HMGCL: variants seen among roughly 807,000 people sequenced by gnomAD.
HMGCL encodes the protein hydroxymethylglutaryl-CoA lyase, mitochondrial.
HMGCL carries 26 observed loss-of-function variants against 37.3 expected under a neutral mutation model. The ratio of observed to expected loss-of-function variants is 0.70; its 90% CI spans 0.51 to 0.97. The LOEUF is 0.97. Among genes scored for constraint, HMGCL ranks in the 50% least tolerant of loss-of-function variants. HMGCL has a pLI of 0.00. For missense variants in HMGCL, 379 were observed against 398.1 expected (o/e 0.95, Z 0.41); for synonymous variants, 151 against 148.0 (o/e 1.02, Z -0.15).
At chr1:23,817,450 G>A (rs1470161469) in intron 3 of HMGCL, 26 bp downstream of exon 3, 1 of 1,292,180 alleles carries the variant, frequency 7.7e-7, no homozygotes, top group Non-Finnish European at 1.1e-6. Context: ...CTAGAGAAAG[G>A]CCTTTCATTG....
intron 1 of HMGCL, among the ~76,000 whole-genome samples, chr1:23,821,575 C>T (rs1363871862): frequency 2.6e-5 from 4 of 152,138 alleles, no homozygotes; most frequent in Admixed American, 2.6e-4. Flanking sequence ...GGGAGAATCG[C>T]TTGAGCCCAG....
At chr1:23,807,157 A>C (rs1477232267) in intron 7 of HMGCL, 1 of 519,052 alleles carries the variant, frequency 1.9e-6, no homozygotes, top group Admixed American at 1.9e-5. Context: ...GACTCACCTC[A>C]GCTGTGCAGA....
Position 23,802,485 on chromosome 1 carries a change from G to A in HMGCL, c.956C>T (p.Ala319Val). 1 of 1,613,352 alleles carries A rather than the reference G, an allele frequency of 6.2e-7. No individual in the cohort carries two copies. Among genetic ancestry groups the A allele is most frequent in the Non-Finnish European group, 8.5e-7 (1 of 1,179,240 alleles). The change falls in exon 9 of 9, where the codon GCT (alanine) becomes GTT (valine). Residue 319 changes from alanine (A) to valine (V), a missense_variant. Ala to Val is a moderately conservative substitution (Grantham distance 64, BLOSUM62 0). Coordinates refer to ENST00000374490, the MANE Select transcript of HMGCL (RefSeq NM_000191.3). The part of the protein sequence containing the change: ...ALNRKTSSKV[A>V]QATCKL ...GGCTCAGAGTTTACAGGTAGCCTGA[G>A]CCACTTTGGAGCTAGTTTTTCTGTT...
At chr1:23,823,330 T>C (rs1638755875) in intron 1 of HMGCL, among the ~76,000 whole-genome samples, 3 of 149,468 alleles carry the variant, frequency 2.0e-5, no homozygotes, top group Non-Finnish European at 3.0e-5. Flanking sequence ...GCCAGGCACA[T>C]ACAAGAGCCA....
chr1:23,825,103 A>T (rs1638791963), intron 1 of HMGCL, among the ~76,000 whole-genome samples: 1 of 152,228 alleles, frequency 6.6e-6, no homozygotes, highest in Non-Finnish European at 1.5e-5. Flanking sequence ...GCGGGGAATC[A>T]GGGCACCTAG....
chr1:23,816,752 C>T lies in HMGCL; in HGVS notation c.271G>A (p.Val91Ile), dbSNP rs756555541. 2.5e-6 allele frequency: 4 copies of T among 1,612,014 alleles called. No individual in the cohort carries two copies. In the African/African-American group the frequency reaches 4.0e-5, roughly 16 times the overall value. Residue 91 changes from valine to isoleucine, a missense_variant, in exon 4 of 9, where the codon GTC becomes ATC. Transcript: ENST00000374490. Reference protein sequence around the residue: ...WVPQMGDHTEVLKGIQKFPGI... With the variant: ...WVPQMGDHTEILKGIQKFPGI... ...GGAAACTTCTGAATGCCCTTCAAGACTTCAGTGTGGTCACCCATCTAGGAA... is the reference window on the plus strand; with the variant it reads ...GGAAACTTCTGAATGCCCTTCAAGATTTCAGTGTGGTCACCCATCTAGGAA...
Position 23,806,892 on chromosome 1 carries a change from T to G in HMGCL, c.750+1243A>C, listed in dbSNP as rs1638419933. ...TCTGTCTTCCCCACCCACCATAACA[T>G]GAGCTCCCAGAGGGCAGGGATTGGG... On this transcript the variant is annotated intron_variant, in intron 7 of 8. Transcript: ENST00000374490. The surrounding 1 kb of genome is among the most constrained non-coding windows in gnomAD (Gnocchi z 4.0). The G allele has an allele frequency of 4.0e-6, 2 of 499,248 alleles. No individual in the cohort carries two copies. The highest frequency in any genetic ancestry group is 3.8e-4 in the Middle Eastern group (1 of 2,602). The allele number at this position is 499,248 out of a possible 1,614,324, so 30.9% of individuals were successfully genotyped here.
At position 23,808,263 on chromosome 1, in the gene HMGCL, C is replaced by T. The variant is rs769406434; in HGVS notation, c.622G>A (p.Val208Met). The change falls in exon 7 of 9, where the codon GTG becomes ATG. Residue 208 changes from valine to methionine, a missense_variant. Physicochemically the swap from Val to Met is conservative, Grantham distance 21. Coordinates refer to ENST00000374490, the MANE Select transcript of HMGCL (RefSeq NM_000191.3). Reference protein sequence around the residue: ...YEISLGDTIGVGTPGIMKDML... With the variant: ...YEISLGDTIGMGTPGIMKDML... ...TCTTTCATGATCCCTGGGGTGCCCA[C>T]ACCAATGGTGTCCCCCAGGGAGATC... 10 of 1,613,926 alleles carry T rather than the reference C, an allele frequency of 6.2e-6. No individual in the cohort carries two copies. The highest frequency in any genetic ancestry group is 2.2e-5 in the East Asian group (1 of 44,896).
chr1:23,804,268 G>C, intron 8 of HMGCL, 132 bp downstream of exon 8: 3 of 1,083,512 alleles, frequency 2.8e-6, no homozygotes, highest in South Asian at 2.8e-5. Context: ...GAGCCACTGC[G>C]CCTGGCTAAC....
chr1:23,816,306 C>A, intron 4 of HMGCL: 1 of 312,278 alleles, frequency 3.2e-6, no homozygotes, highest in Non-Finnish European at 6.2e-6. Flanking sequence ...TGGCAGATGC[C>A]AGCAACTACT....
intron 3 of HMGCL, 127 bp downstream of exon 3, chr1:23,817,349 G>A: frequency 4.5e-6 from 3 of 665,540 alleles, no homozygotes; most frequent in Non-Finnish European, 8.2e-6. Flanking sequence ...ACAGTGCTAT[G>A]AATCACCTGA....
chr1:23,825,081 A>G (rs1638791742), intron 1 of HMGCL, among the ~76,000 whole-genome samples: 1 of 152,226 alleles, frequency 6.6e-6, no homozygotes, highest in Non-Finnish European at 1.5e-5. Flanking sequence ...GGGTCATCGG[A>G]AAGGGCCCTG....
At chr1:23,802,850 C>T (rs1260932885) in intron 8 of HMGCL, among the ~76,000 whole-genome samples, 1 of 152,194 alleles carries the variant, frequency 6.6e-6, no homozygotes, top group Non-Finnish European at 1.5e-5. Context: ...CTCTTCAGGG[C>T]CCAGCACAGG....
rs372648949 is a variant in HMGCL at position 23,810,728 on chromosome 1, G to C, written c.561+8C>G. Reference sequence around the variant, plus strand: ...CACCAAACCCCCCGCCCTGACACATGCACACACCTCAGCTACTTTAGCTGG... The same window carrying C: ...CACCAAACCCCCCGCCCTGACACATCCACACACCTCAGCTACTTTAGCTGG... On this transcript the variant is annotated splice_region_variant and intron_variant, in intron 6 of 8. Coordinates refer to ENST00000374490, the MANE Select transcript of HMGCL (RefSeq NM_000191.3). 7.4e-6 allele frequency: 12 copies of C among 1,613,328 alleles called. No homozygotes were observed. The African/African-American group carries it at 1.3e-4, about 18-fold the overall frequency.
chr1:23,817,571 T>C lies in HMGCL; in HGVS notation c.157A>G (p.Thr53Ala). The change falls in exon 3 of 9, where the codon ACT becomes GCT. Residue 53 changes from threonine to alanine, a missense_variant. Physicochemically the swap from Thr to Ala is moderately conservative, Grantham distance 58 (BLOSUM62 0). Transcript: ENST00000374490. ...GLQNEKNIVS[T>A]PVKIKLIDML... The stretch of plus-strand genomic sequence containing the variant: ...TCTATCAGCTTGATTTTCACTGGAG[T>C]AGATACGATATTCTATAGTGGAGAG... 2 of 1,604,674 alleles carry C rather than the reference T, an allele frequency of 1.2e-6. No homozygotes were observed. The highest frequency in any genetic ancestry group is 1.7e-6 in the Non-Finnish European group (2 of 1,171,714).
chr1:23,804,707 G>A (rs1392950249), intron 7 of HMGCL, among the ~76,000 whole-genome samples, 182 bp from the exon 8 acceptor site: 1 of 152,146 alleles, frequency 6.6e-6, no homozygotes, highest in African/African-American at 2.4e-5. Context: ...TTTAGTTTCT[G>A]TTAAACTGTT....
In HMGCL at chr1:23,808,341, C is replaced by T. The variant is rs754904128; in HGVS notation, c.562-18G>A. 22 of 1,610,506 alleles carry T rather than the reference C, an allele frequency of 1.4e-5. No individual in the cohort carries two copies. The South Asian group carries it at 2.2e-4, about 16-fold the overall frequency. On this transcript the variant is annotated intron_variant, in intron 6 of 8. Coordinates refer to ENST00000374490, the MANE Select transcript of HMGCL (RefSeq NM_000191.3). ...TTGGTGACCTAAGGAAGCAAGCAGG[C>T]ACTTGGAGGATACAGAATCCACCAG...
chr1:23,805,788 T>A (rs1638398127), intron 7 of HMGCL, among the ~76,000 whole-genome samples: 1 of 152,158 alleles, frequency 6.6e-6, no homozygotes. Flanking sequence ...TGCCTATAGA[T>A]GTCTCGAGCT....
chr1:23,802,700 C>T (rs1638307270), intron 8 of HMGCL, 136 bp from the exon 9 acceptor site: 1 of 696,948 alleles, frequency 1.4e-6, no homozygotes, highest in Non-Finnish European at 2.6e-6. Context: ...GACAGCGGGG[C>T]ACCAGCTGCC....
Sources: gnomAD v4.1 joint callset for allele counts (sites outside exome capture counted in the v4.1 genomes callset) on GRCh38, gnomAD v4.1.1 for gene constraint, Gnocchi (gnomAD v3.1) non-coding constraint, MANE v1.5 for transcripts, NCBI Gene and HGNC (gene_info 2026-07-23, HGNC 2026-07-21) for gene names.